The following MACROD2 variants were observed in gnomAD, a reference collection of about 807,000 sequenced individuals.
MACROD2 encodes ADP-ribose glycohydrolase MACROD2.
In MACROD2, 36 loss-of-function variants were observed where a neutral mutation model predicts 70.4. The observed-to-expected ratio is 0.51, with a 90% confidence interval of 0.39 to 0.68. The LOEUF (loss-of-function observed/expected upper bound fraction) is 0.68, where lower values mean the gene tolerates loss of function less well. MACROD2 is among the 30% of genes least tolerant of loss of function. MACROD2 has a pLI of 0.00. For missense variants in MACROD2, 496 were observed against 538.4 expected, an observed-to-expected ratio of 0.92 and a Z score of 0.78; for synonymous variants, 172 against 178.8, an observed-to-expected ratio of 0.96 and a Z score of 0.30.
intron 5 of MACROD2, among the ~76,000 whole-genome samples, chr20:14,922,730 T>C (rs1210343474): frequency 6.6e-6 from 1 of 152,142 alleles, no homozygotes; most frequent in African/African-American, 2.4e-5. Flanking sequence ...AAGAAAATTA[T>C]CCATCTGGGC....
At chr20:14,333,599 G>A (rs1042410645) in intron 3 of MACROD2, among the ~76,000 whole-genome samples, 9 of 152,130 alleles carry the variant, frequency 5.9e-5, no homozygotes, top group African/African-American at 1.7e-4. Flanking sequence ...GTTAAACCAC[G>A]TTTTACCATT....
chr20:14,901,739 A>G (rs1206979184), intron 5 of MACROD2, among the ~76,000 whole-genome samples: 2 of 152,156 alleles, frequency 1.3e-5, no homozygotes, highest in East Asian at 3.9e-4. Flanking sequence ...ACCAAAAACA[A>G]AACCAGAATT....
At chr20:15,074,695 ATTGC>A (rs917852830) in intron 5 of MACROD2, among the ~76,000 whole-genome samples, 8 of 152,140 alleles carry the variant, frequency 5.3e-5, no homozygotes, top group African/African-American at 1.9e-4. Flanking sequence ...TGCAGAATTG[ATTGC>A]TTGCTTGGTG....
chr20:15,594,983 G>A (rs192440457), intron 8 of MACROD2, among the ~76,000 whole-genome samples: 9 of 152,076 alleles, frequency 5.9e-5, no homozygotes, highest in East Asian at 3.9e-4. Flanking sequence ...TCTTTGTTTC[G>A]TGTTTCCAAA....
rs528514656 is a variant in MACROD2, at chr20:15,023,771, C to T, written c.419-206169C>T. On this transcript the variant is annotated intron_variant, in intron 5 of 17. Transcript: ENST00000684519. ...ACTTCCCATAGATTCGCTCCTATGA[C>T]GTGGGAATTCTGGGGGCTGCAATTC... Among the ~76,000 whole-genome samples, 12 of 152,224 alleles carry T rather than the reference C, an allele frequency of 7.9e-5. No individual in the cohort carries two copies. In the South Asian group the frequency reaches 1.2e-3, roughly 16 times the overall value.
chr20:14,372,851 G>T (rs186777879), intron 3 of MACROD2, among the ~76,000 whole-genome samples: 1 of 152,232 alleles, frequency 6.6e-6, no homozygotes, highest in East Asian at 1.9e-4. Context: ...GATTTCATTG[G>T]TTCTGTTTGC....
intron 5 of MACROD2, among the ~76,000 whole-genome samples, chr20:14,693,359 G>T (rs2071084897): frequency 6.6e-6 from 1 of 152,190 alleles, no homozygotes; most frequent in Admixed American, 6.5e-5. Context: ...ATGCCCTGAG[G>T]TCAGGCACAA....
At chr20:14,943,913 C>G (rs998968585) in intron 5 of MACROD2, among the ~76,000 whole-genome samples, 3 of 152,096 alleles carry the variant, frequency 2.0e-5, no homozygotes, top group African/African-American at 7.2e-5. Context: ...ACTTTTGTTA[C>G]AAGAGGATAT....
At chr20:14,526,556 T>A (rs1305138972) in intron 4 of MACROD2, among the ~76,000 whole-genome samples, 1 of 152,244 alleles carries the variant, frequency 6.6e-6, no homozygotes, top group Non-Finnish European at 1.5e-5. Context: ...CAGAAGTCTT[T>A]CAAATCTGAT....
chr20:15,231,070 T>C lies in MACROD2; in HGVS notation c.540+1009T>C, dbSNP rs551374792. ...GATACATTTAGGTAACCCTGGATGG[T>C]TGTTATGCTTTTTGTGCATGATTGT... On this transcript the variant is annotated intron_variant, in intron 6 of 17. Coordinates refer to ENST00000684519, the MANE Select transcript of MACROD2 (RefSeq NM_001351661.2). 3.3e-5 allele frequency among the ~76,000 whole-genome samples: 5 copies of C among 152,228 alleles called. No individual in the cohort carries two copies. The East Asian group carries it at 9.6e-4, about 29-fold the overall frequency.
chr20:15,823,260 A>G (rs1227398368), intron 8 of MACROD2, among the ~76,000 whole-genome samples: 1 of 149,524 alleles, frequency 6.7e-6, no homozygotes, highest in Non-Finnish European at 1.5e-5. Context: ...ATAAGATAGC[A>G]GCAGGTGAGC....
Position 14,316,337 on chromosome 20 carries a change from C to T in MACROD2, c.272-177142C>T, listed in dbSNP as rs116847086. ...GAAAAAGTCACATCTCCCCATTAAACGTTTTGAGATTTAATCCTGAAAATG... is the reference window on the plus strand; with the variant it reads ...GAAAAAGTCACATCTCCCCATTAAATGTTTTGAGATTTAATCCTGAAAATG... On this transcript the variant is annotated intron_variant, in intron 3 of 17. Transcript: ENST00000684519. Among the ~76,000 whole-genome samples the T allele has an allele frequency of 3.5e-3, 532 of 152,270 alleles. 3 individuals are homozygous for T. The highest frequency in any genetic ancestry group is 0.017 in the Middle Eastern group (5 of 294).
intron 12 of MACROD2, among the ~76,000 whole-genome samples, chr20:15,949,558 G>A (rs1291910464): frequency 6.6e-6 from 1 of 152,128 alleles, no homozygotes; most frequent in Non-Finnish European, 1.5e-5. Flanking sequence ...ATGCCAGCAA[G>A]CAGAAACACC....
At chr20:15,229,222 T>C (rs1034606328) in intron 5 of MACROD2, among the ~76,000 whole-genome samples, 1 of 152,202 alleles carries the variant, frequency 6.6e-6, no homozygotes, top group African/African-American at 2.4e-5. Context: ...ATAAAAAATA[T>C]CAAGTTTTGT....
chr20:14,381,417 A>AT (rs1568586424), intron 3 of MACROD2, among the ~76,000 whole-genome samples: 1 of 152,140 alleles, frequency 6.6e-6, no homozygotes, highest in Admixed American at 6.5e-5. Flanking sequence ...TCAAGAAAAA[A>AT]ATTTCCAATG....
At chr20:15,425,218 A>G (rs80218532) in intron 6 of MACROD2, among the ~76,000 whole-genome samples, 5,674 of 152,270 alleles carry the variant, frequency 0.037, 350 homozygotes, top group African/African-American at 0.13. Context: ...CTGGATCCTG[A>G]ATGTGAGGAA....
rs187029986 is a variant in MACROD2 at position 15,486,929 on chromosome 20, G to T, written c.572-12845G>T. On this transcript the variant is annotated intron_variant, in intron 7 of 17. Coordinates refer to ENST00000684519, the MANE Select transcript of MACROD2 (RefSeq NM_001351661.2). ...GTATTGTCTTATTTACAAGACTGCG[G>T]GTTGGCTGTGGTTTAACTGATCAAG... Among the ~76,000 whole-genome samples the T allele has an allele frequency of 3.6e-4, 55 of 152,294 alleles. 1 individual carries two copies. Among genetic ancestry groups the T allele is most frequent in the Non-Finnish European group, 6.8e-4 (46 of 68,020 alleles).
intron 5 of MACROD2, among the ~76,000 whole-genome samples, chr20:15,091,496 T>C (rs1317065216): frequency 6.6e-6 from 1 of 152,136 alleles, no homozygotes; most frequent in East Asian, 1.9e-4. Flanking sequence ...ATTTTCTGGA[T>C]TAGTGTTTTG....
At chr20:14,717,593 C>T (rs16990099) in intron 5 of MACROD2, among the ~76,000 whole-genome samples, 10,909 of 151,026 alleles carry the variant, frequency 0.072, 556 homozygotes, top group African/African-American at 0.14. Context: ...ATTCATTAAC[C>T]GACTTGTGAC....
Sources: allele counts gnomAD v4.1 joint callset (sites outside exome capture counted in the v4.1 genomes callset), GRCh38; gene constraint gnomAD v4.1.1; transcripts MANE v1.5; gene names NCBI Gene and HGNC (gene_info 2026-07-23, HGNC 2026-07-21).